MAPK10: variants seen among roughly 807,000 people sequenced by gnomAD.
The protein encoded by MAPK10 is JNK3 alpha protein kinase.
A neutral mutation model predicts 59.3 loss-of-function variants in MAPK10; 25 were observed. The ratio of observed to expected loss-of-function variants is 0.42; its 90% CI spans 0.31 to 0.59. The LOEUF (loss-of-function observed/expected upper bound fraction) is 0.59, where lower values mean the gene tolerates loss of function less well. MAPK10 is among the 20% of genes least tolerant of loss of function. MAPK10 has a pLI of 0.15. For missense variants in MAPK10, 351 were observed against 568.9 expected (o/e 0.62, Z 3.90); for synonymous variants, 190 against 200.5 (o/e 0.95, Z 0.44).
chr4:86,157,916 T>G (rs1581512260), intron 4 of MAPK10, among the ~76,000 whole-genome samples: 1 of 151,906 alleles, frequency 6.6e-6, no homozygotes, highest in African/African-American at 2.4e-5. Flanking sequence ...CAAAGGAAAA[T>G]GAAACTATCC....
intron 2 of MAPK10, among the ~76,000 whole-genome samples, chr4:86,307,448 A>G (rs1023804717): frequency 5.9e-5 from 9 of 152,190 alleles, no homozygotes; most frequent in Non-Finnish European, 1.0e-4. Context: ...GATGTTGATT[A>G]TAACACAAGG....
In MAPK10 at chr4:86,264,881, C is replaced by T. The variant is rs574908911; in HGVS notation, c.-6-70474G>A. On this transcript the variant is annotated intron_variant, in intron 2 of 13. Transcript: ENST00000641462. ...GTCCCCTTCTCTAGGTTTTTGATGGCCCTGGACTTTTTTTTTTTTTTTTTT... is the reference window on the plus strand; with the variant it reads ...GTCCCCTTCTCTAGGTTTTTGATGGTCCTGGACTTTTTTTTTTTTTTTTTT... Among the ~76,000 whole-genome samples, 880 of 146,164 alleles carry T rather than the reference C, an allele frequency of 6.0e-3. 13 individuals are homozygous for T. The highest frequency in any genetic ancestry group is 0.021 in the African/African-American group (839 of 39,508).
Position 86,058,704 on chromosome 4 carries a change from C to G in MAPK10, c.1110+5562G>C, listed in dbSNP as rs1020426467. Among the ~76,000 whole-genome samples, 9 of 136,282 alleles carry G rather than the reference C, an allele frequency of 6.6e-5. 1 individual carries two copies. Among genetic ancestry groups the G allele is most frequent in the Non-Finnish European group, 1.3e-4 (8 of 62,188 alleles). The allele number at this position is 136,282 out of a possible 152,430, so 89.4% of individuals were successfully genotyped here. ...AATATGAGAACATCCTTATCTCTGA[C>G]ACCTTTAAATACCCCTTAGGGTCTC... On this transcript the variant is annotated intron_variant, in intron 11 of 13. Coordinates refer to ENST00000641462, the MANE Select transcript of MAPK10 (RefSeq NM_138982.4).
At chr4:86,524,108 A>G (rs1030841523) in intron 1 of MAPK10, among the ~76,000 whole-genome samples, 1 of 152,182 alleles carries the variant, frequency 6.6e-6, no homozygotes, top group African/African-American at 2.4e-5. Flanking sequence ...TGATCGTTGC[A>G]CGTACAAGCT....
At chr4:86,169,108 T>C (rs1260356084) in intron 3 of MAPK10, among the ~76,000 whole-genome samples, 2 of 151,574 alleles carry the variant, frequency 1.3e-5, no homozygotes, top group East Asian at 1.9e-4. Context: ...ACCACAAAGA[T>C]GGGGAAAAAA....
In MAPK10 at chr4:86,472,995, C is replaced by G. The variant is rs1177025601; in HGVS notation, c.-262-118351G>C. Among the ~76,000 whole-genome samples the G allele has an allele frequency of 2.0e-5, 3 of 152,130 alleles. No homozygotes were observed. In the East Asian group the frequency reaches 5.8e-4, roughly 29 times the overall value. On this transcript the variant is annotated intron_variant, in intron 1 of 4. Transcript: ENST00000502302. ...TTCATTTTCAATAGAACCTTTCATT[C>G]CTTCCTTGCTTTGTTTGTGCATTTT...
Position 86,461,237 on chromosome 4 carries a change from G to A in MAPK10, c.-262-106593C>T, listed in dbSNP as rs893577064. ...CTGAGAAACTGTGCCCAAGGCGGTTGGTTTACAGCTTGGTTTTATACATTT... is the reference window on the plus strand; with the variant it reads ...CTGAGAAACTGTGCCCAAGGCGGTTAGTTTACAGCTTGGTTTTATACATTT... On this transcript the variant is annotated intron_variant, in intron 1 of 4. Coordinates refer to the MAPK10 transcript ENST00000502302. 8.5e-5 allele frequency among the ~76,000 whole-genome samples: 13 copies of A among 152,132 alleles called. No homozygotes were observed. The East Asian group carries it at 2.5e-3, about 29-fold the overall frequency.
At chr4:86,402,496 TG>T (rs1743852378) in intron 1 of MAPK10, among the ~76,000 whole-genome samples, 2 of 152,224 alleles carry the variant, frequency 1.3e-5, no homozygotes, top group African/African-American at 4.8e-5. Flanking sequence ...AAAAATCAGC[TG>T]CTAAACCTGT....
At chr4:86,181,164 A>G (rs1256516239) in intron 3 of MAPK10, among the ~76,000 whole-genome samples, 1 of 152,072 alleles carries the variant, frequency 6.6e-6, no homozygotes, top group African/African-American at 2.4e-5. Flanking sequence ...AATGGGATGG[A>G]TATTAAACTA....
chr4:86,309,896 C>T (rs547958573), intron 2 of MAPK10, among the ~76,000 whole-genome samples: 1 of 152,152 alleles, frequency 6.6e-6, no homozygotes, highest in Non-Finnish European at 1.5e-5. Context: ...ATCCTTTGAA[C>T]TGTTTGAGCC....
chr4:86,119,983 G>C (rs1213943043), intron 4 of MAPK10: 1 of 152,254 alleles, frequency 6.6e-6, no homozygotes, highest in Non-Finnish European at 1.5e-5. Context: ...TTTTTCCACA[G>C]GTGTTGGCCC....
intron 1 of MAPK10, among the ~76,000 whole-genome samples, chr4:86,368,773 A>C (rs1252395106): frequency 6.6e-6 from 1 of 151,898 alleles, no homozygotes; most frequent in Non-Finnish European, 1.5e-5. Flanking sequence ...TCAGTATCCT[A>C]ATAGCATTTT....
chr4:86,183,164 G>A (rs1396467915), intron 3 of MAPK10, among the ~76,000 whole-genome samples: 1 of 151,768 alleles, frequency 6.6e-6, no homozygotes, highest in Admixed American at 6.6e-5. Flanking sequence ...TATACTTTAA[G>A]TTTTAGGGTA....
At chr4:86,071,651 T>A (rs1384494769) in intron 9 of MAPK10, among the ~76,000 whole-genome samples, 2 of 151,364 alleles carry the variant, frequency 1.3e-5, no homozygotes, top group Non-Finnish European at 3.0e-5. Flanking sequence ...AAATAGGGAA[T>A]CCTTTCCCCA....
chr4:86,059,396 C>A (rs1041782288), intron 11 of MAPK10, among the ~76,000 whole-genome samples: 1 of 151,980 alleles, frequency 6.6e-6, no homozygotes. Flanking sequence ...CATTTAAGAC[C>A]CTCTTAATCA....
intron 1 of MAPK10, among the ~76,000 whole-genome samples, chr4:86,470,779 T>C (rs1227867252): frequency 2.0e-5 from 3 of 152,204 alleles, no homozygotes; most frequent in Non-Finnish European, 4.4e-5. Context: ...GACTTTCCTA[T>C]ATTTCTTTTT....
At chr4:86,189,887 C>T (rs1194090706) in intron 3 of MAPK10, among the ~76,000 whole-genome samples, 2 of 152,114 alleles carry the variant, frequency 1.3e-5, no homozygotes, top group Non-Finnish European at 2.9e-5. Flanking sequence ...GTGGAACTGT[C>T]ATAAATAGCT....
chr4:86,255,911 T>A (rs1229326867), intron 2 of MAPK10, among the ~76,000 whole-genome samples: 1 of 152,136 alleles, frequency 6.6e-6, no homozygotes, highest in Non-Finnish European at 1.5e-5. Context: ...ATTCACAGCA[T>A]CAAATTGTCC....
chr4:86,075,235 T>G (rs1298893110), intron 9 of MAPK10, among the ~76,000 whole-genome samples: 1 of 152,200 alleles, frequency 6.6e-6, no homozygotes, highest in Non-Finnish European at 1.5e-5. Context: ...GCCTTGGTTT[T>G]CAGCTCCATC....
Sources: gnomAD v4.1 joint callset for allele counts (sites outside exome capture counted in the v4.1 genomes callset) on GRCh38, gnomAD v4.1.1 for gene constraint, MANE v1.5 for transcripts, NCBI Gene and HGNC (gene_info 2026-07-23, HGNC 2026-07-21) for gene names.